The following LYPD6B variants were observed in gnomAD, a reference collection of about 807,000 sequenced individuals.
LYPD6B encodes the protein LY6/PLAUR domain containing 6B.
A neutral mutation model predicts 22.8 loss-of-function variants in LYPD6B; 17 were observed. The observed-to-expected ratio is 0.75, with a 90% CI of 0.51 to 1.12. The LOEUF (loss-of-function observed/expected upper bound fraction) is 1.12. Among genes scored for constraint, LYPD6B ranks in the 50% most tolerant of loss-of-function variants. The pLI is 0.00. For synonymous variants in LYPD6B, 106 were observed against 91.6 expected (o/e 1.16, Z -0.90); for missense variants, 221 against 258.3 (o/e 0.86, Z 0.99).
intron 2 of LYPD6B, among the ~76,000 whole-genome samples, chr2:149,156,024 AAG>A (rs1689678196): frequency 1.3e-5 from 2 of 152,190 alleles, no homozygotes; most frequent in Admixed American, 6.5e-5. Flanking sequence ...TCTTTTCAGA[AAG>A]AGAGGAAATT....
intron 3 of LYPD6B, among the ~76,000 whole-genome samples, chr2:149,194,195 T>C (rs989977184): frequency 3.9e-5 from 6 of 152,226 alleles, no homozygotes; most frequent in African/African-American, 1.4e-4. Context: ...GTTTGTAGCA[T>C]AAATCTAGTT....
intron 1 of LYPD6B, among the ~76,000 whole-genome samples, chr2:149,086,523 T>C (rs1015376710): frequency 1.3e-5 from 2 of 152,174 alleles, no homozygotes; most frequent in Non-Finnish European, 2.9e-5. Flanking sequence ...TGAGTCTTAC[T>C]CCAGGGTGTC....
chr2:149,171,528 ATT>A (rs10659168), intron 3 of LYPD6B, among the ~76,000 whole-genome samples: 10 of 143,374 alleles, frequency 7.0e-5, no homozygotes, highest in African/African-American at 2.6e-4. Flanking sequence ...TTGAAGTCTG[ATT>A]TTTTTTTTTT....
At chr2:149,068,965 T>G (rs1363888999) in intron 1 of LYPD6B, 1 of 247,678 alleles carries the variant, frequency 4.0e-6, no homozygotes, top group Non-Finnish European at 8.1e-6. Context: ...CGTCCGTCTC[T>G]TGTTCCACAC....
chr2:149,173,611 A>T (rs1217210762), intron 3 of LYPD6B, among the ~76,000 whole-genome samples: 1 of 152,202 alleles, frequency 6.6e-6, no homozygotes, highest in Non-Finnish European at 1.5e-5. Context: ...CCCTAAGGAT[A>T]GAATATTCTA....
intron 1 of LYPD6B, among the ~76,000 whole-genome samples, chr2:149,119,527 A>G (rs994252221): frequency 6.6e-6 from 1 of 152,234 alleles, no homozygotes; most frequent in African/African-American, 2.4e-5. Flanking sequence ...ACGTGAACAC[A>G]TTAACGATGA....
intron 3 of LYPD6B, among the ~76,000 whole-genome samples, chr2:149,174,316 G>A (rs1691091290): frequency 1.3e-5 from 2 of 152,134 alleles, no homozygotes; most frequent in Admixed American, 6.5e-5. Flanking sequence ...AAAAAGGATT[G>A]TGTCATCTGC....
intron 1 of LYPD6B, among the ~76,000 whole-genome samples, chr2:149,066,563 A>C (rs1396614327): frequency 3.9e-5 from 6 of 151,944 alleles, no homozygotes; most frequent in Non-Finnish European, 7.4e-5. Context: ...CATTTTCTTA[A>C]TCCAGTCTAT....
intron 1 of LYPD6B, among the ~76,000 whole-genome samples, chr2:149,113,707 G>A (rs1252303763): frequency 6.6e-6 from 1 of 152,084 alleles, no homozygotes; most frequent in Non-Finnish European, 1.5e-5. Context: ...ATCAATCTGG[G>A]AATAAAACCC....
intron 3 of LYPD6B, among the ~76,000 whole-genome samples, chr2:149,174,573 A>G (rs551211362): frequency 1.0e-3 from 156 of 152,176 alleles, no homozygotes; most frequent in Non-Finnish European, 1.6e-3. Context: ...TACCTAGTTT[A>G]TTGAGAGTTT....
At chr2:149,055,648 C>T (rs545802764) in intron 1 of LYPD6B, among the ~76,000 whole-genome samples, 4 of 152,142 alleles carry the variant, frequency 2.6e-5, no homozygotes, top group Non-Finnish European at 5.9e-5. Context: ...AGTGTAATGA[C>T]ATTGTCAGTT....
intron 2 of LYPD6B, chr2:149,131,583 C>G (rs927211595): frequency 6.6e-6 from 1 of 152,206 alleles, no homozygotes; most frequent in Middle Eastern, 3.2e-3. Context: ...GAGCTGCAAG[C>G]CTCCTGCACA....
chr2:149,052,416 G>A (rs559329868), intron 1 of LYPD6B, among the ~76,000 whole-genome samples: 7 of 152,126 alleles, frequency 4.6e-5, no homozygotes, highest in African/African-American at 1.7e-4. Context: ...CAAATGAGGA[G>A]GTCAGCAAGT....
At chr2:149,189,369 C>CACATACAT (rs1380964531) in intron 3 of LYPD6B, among the ~76,000 whole-genome samples, 11 of 91,666 alleles carry the variant, frequency 1.2e-4, no homozygotes, top group Non-Finnish European at 2.1e-4. Context: ...TATATATATA[C>CACATACAT]ACACACATAT....
intron 1 of LYPD6B, among the ~76,000 whole-genome samples, chr2:149,079,513 A>G (rs190746735): frequency 3.3e-3 from 510 of 152,314 alleles, no homozygotes; most frequent in Non-Finnish European, 5.9e-3. Context: ...TTTGGAAGAC[A>G]GTGTAGATTA....
At chr2:149,160,863 C>G in intron 3 of LYPD6B, 28 bp downstream of exon 3, 1 of 1,497,070 alleles carries the variant, frequency 6.7e-7, no homozygotes, top group Non-Finnish European at 9.1e-7. Context: ...TACAACAGCC[C>G]TCGGCTTTTC....
intron 3 of LYPD6B, among the ~76,000 whole-genome samples, chr2:149,161,212 A>G (rs1690045601): frequency 2.6e-5 from 4 of 152,204 alleles, no homozygotes; most frequent in Admixed American, 2.6e-4. Flanking sequence ...AAGTGTCTGC[A>G]TTAAGTGAAA....
chr2:149,171,353 A>G (rs1019048164), intron 3 of LYPD6B, among the ~76,000 whole-genome samples: 1 of 151,260 alleles, frequency 6.6e-6, no homozygotes, highest in East Asian at 1.9e-4. Context: ...TTTCTTTTTC[A>G]TTATCAAAAA....
At chr2:149,138,068 C>T (rs898267453) in intron 2 of LYPD6B, among the ~76,000 whole-genome samples, 6 of 152,176 alleles carry the variant, frequency 3.9e-5, no homozygotes, top group African/African-American at 1.4e-4. Flanking sequence ...GAGTAATATC[C>T]TGTGGCTTCT....
Sources: allele counts gnomAD v4.1 joint callset (sites outside exome capture counted in the v4.1 genomes callset), GRCh38; gene constraint gnomAD v4.1.1; transcripts MANE v1.5; gene names NCBI Gene and HGNC (gene_info 2026-07-23, HGNC 2026-07-21).